Variants in LEMD2 observed in about 807,000 individuals in gnomAD.
The protein encoded by LEMD2 is LEM domain-containing protein 2.
In LEMD2, 34 loss-of-function variants were observed where a neutral mutation model predicts 58.8. The observed-to-expected ratio is 0.58, with a 90% CI of 0.44 to 0.77. LEMD2 has a LOEUF of 0.77. Ranked by LOEUF, LEMD2 falls within the 30% of genes least tolerant of loss-of-function variation. The pLI is 0.00. For missense variants in LEMD2, 629 were observed against 717.9 expected, an observed-to-expected ratio of 0.88 and a Z score of 1.42; for synonymous variants, 298 against 308.9, an observed-to-expected ratio of 0.96 and a Z score of 0.37.
chr6:33,777,347 T>G (rs1465371440), intron 6 of LEMD2, 108 bp from the exon 7 acceptor site: 1 of 811,998 alleles, frequency 1.2e-6, no homozygotes, highest in Non-Finnish European at 2.2e-6. Context: ...CACATGGGTT[T>G]GGGTACCTAC....
rs1767443414 is a variant in LEMD2 at position 33,776,951 on chromosome 6, C to T, written c.1361+3G>A. ...ACACCCAGCGCCCCAGCCAGGGACT[C>T]ACCGGCTCTGTGGAGGGATCAAGCT... On this transcript the variant is annotated splice_donor_region_variant and intron_variant, in intron 8 of 8. Coordinates refer to ENST00000293760, the MANE Select transcript of LEMD2 (RefSeq NM_181336.4). 2 of 1,612,336 alleles carry T rather than the reference C, an allele frequency of 1.2e-6. No individual in the cohort carries two copies. The highest frequency in any genetic ancestry group is 2.2e-5 in the South Asian group (2 of 91,026).
chr6:33,779,921 A>G (rs1383578394), intron 5 of LEMD2, 179 bp downstream of exon 5: 1 of 595,448 alleles, frequency 1.7e-6, no homozygotes, highest in African/African-American at 1.9e-5. Flanking sequence ...CTTACACTGC[A>G]TTCCAAATGC....
intron 8 of LEMD2, among the ~76,000 whole-genome samples, chr6:33,774,240 C>G (rs1427603255): frequency 1.4e-5 from 2 of 145,546 alleles, no homozygotes; most frequent in Non-Finnish European, 1.5e-5. Context: ...GGTGTGATCT[C>G]AGCTCACTGC....
chr6:33,780,522 G>A (rs1767541704), intron 4 of LEMD2, among the ~76,000 whole-genome samples: 1 of 152,202 alleles, frequency 6.6e-6, no homozygotes, highest in African/African-American at 2.4e-5. Flanking sequence ...GGGGGTGGGT[G>A]AGCCCAGTGG....
chr6:33,780,338 G>A lies in LEMD2; in HGVS notation c.931-159C>T, dbSNP rs536552298. 11 of 682,174 alleles carry A rather than the reference G, an allele frequency of 1.6e-5. No homozygotes were observed. In the East Asian group the frequency reaches 2.5e-4, roughly 15 times the overall value. The allele number at this position is 682,174 out of a possible 1,614,324, so 42.3% of individuals were successfully genotyped here. The stretch of plus-strand genomic sequence containing the variant: ...CAAAGTGGCAGGAAGGAAATCGGGG[G>A]TTGATGAAAGCCAAGGAAGAGGCTA... On this transcript the variant is annotated intron_variant, in intron 4 of 8. Transcript: ENST00000293760.
intron 6 of LEMD2, among the ~76,000 whole-genome samples, chr6:33,777,830 G>T (rs1420925677): frequency 6.6e-6 from 1 of 152,152 alleles, no homozygotes; most frequent in Admixed American, 6.5e-5. Flanking sequence ...CTTTCATCAG[G>T]TATCTGTAGC....
chr6:33,788,596 G>T lies in LEMD2; in HGVS notation c.521C>A (p.Ser174Tyr), dbSNP rs1222169038. The change falls in exon 1 of 9, where the codon TCC becomes TAC. Residue 174 changes from serine to tyrosine, a missense_variant. Physicochemically the swap from Ser to Tyr is moderately radical, Grantham distance 144. Around this residue, in one of 2 missense-constraint regions of LEMD2, gnomAD observed 386 missense variants for 381.1 expected, o/e 1.01. Coordinates refer to ENST00000293760, the MANE Select transcript of LEMD2 (RefSeq NM_181336.4). ...AASPAPARLP[S>Y]SLLGPDPRPG... ...GCGCGGGTCGGGACCGAGGAGGGAG[G>T]AAGGCAGCCGCGCCGGGGCGGGAGA... The T allele has an allele frequency of 1.6e-6, 2 of 1,284,516 alleles. No individual in the cohort carries two copies. Among genetic ancestry groups the T allele is most frequent in the Non-Finnish European group, 2.0e-6 (2 of 1,019,434 alleles). The allele number at this position is 1,284,516 out of a possible 1,614,324, so 79.6% of individuals were successfully genotyped here. A position where few individuals can be genotyped will look rare whatever the true frequency, so the allele number is the denominator to read the frequency against.
chr6:33,780,234 C>T (rs1187005866), intron 4 of LEMD2, 55 bp from the exon 5 acceptor site: 4 of 1,408,448 alleles, frequency 2.8e-6, no homozygotes, highest in East Asian at 2.5e-5. Context: ...GCAGCTGGAA[C>T]ATTATTCTGC....
intron 1 of LEMD2, 64 bp downstream of exon 1, chr6:33,788,316 AC>A: frequency 6.8e-7 from 1 of 1,466,170 alleles, no homozygotes; most frequent in Non-Finnish European, 9.1e-7. Flanking sequence ...GCCGACAGGA[AC>A]GGGGGGTCCT....
rs1767476869 is a variant in LEMD2, at chr6:33,778,039, A to G, written c.1156+203T>C. 6.6e-6 allele frequency among the ~76,000 whole-genome samples: 1 copy of G among 152,200 alleles called. No individual in the cohort carries two copies. The highest frequency in any genetic ancestry group is 2.1e-4 in the South Asian group (1 of 4,830). ...TCAAGGACATTTTCTAGTTATCCTC[A>G]CGGATTCCTGCCACCAATCTCCAAA... is the stretch of plus-strand genomic sequence containing the variant. On this transcript the variant is annotated intron_variant, in intron 6 of 8. Coordinates refer to ENST00000293760, the MANE Select transcript of LEMD2 (RefSeq NM_181336.4). This position sits in a 1 kb window ranked among gnomAD's most constrained non-coding sequence, Gnocchi z 4.7.
chr6:33,780,287 A>C, intron 4 of LEMD2, 108 bp from the exon 5 acceptor site: 2 of 954,984 alleles, frequency 2.1e-6, no homozygotes, highest in African/African-American at 1.6e-5. Flanking sequence ...CCACAGCCCC[A>C]AAACCCTGTT....
At chr6:33,773,661 A>T (rs1198299989) in intron 8 of LEMD2, among the ~76,000 whole-genome samples, 1 of 151,590 alleles carries the variant, frequency 6.6e-6, no homozygotes, top group Non-Finnish European at 1.5e-5. Flanking sequence ...GGGCCTATTC[A>T]GCAGCCCCAA....
chr6:33,782,582 A>C (rs1242128805), intron 3 of LEMD2, among the ~76,000 whole-genome samples: 1 of 152,046 alleles, frequency 6.6e-6, no homozygotes, highest in African/African-American at 2.4e-5. Flanking sequence ...CACAGATGCT[A>C]CCTCCTGTGA....
chr6:33,777,012 G>A lies in LEMD2; in HGVS notation c.1303C>T (p.Arg435Cys), dbSNP rs755595754. The A allele has an allele frequency of 2.5e-6, 4 of 1,614,028 alleles. No individual in the cohort carries two copies. The highest frequency in any genetic ancestry group is 1.3e-5 in the African/African-American group (1 of 74,916). ...HYVDWEQDME[R>C]YPYVGILHVR... Reference sequence around the variant, plus strand: ...TGCAGGATGCCTACATATGGATAGCGCTCCATGTCCTGCTCCCAGTCCACG... The same window carrying A: ...TGCAGGATGCCTACATATGGATAGCACTCCATGTCCTGCTCCCAGTCCACG... Residue 435 changes from arginine (R) to cysteine (C), a missense_variant, in exon 8 of 9, where the codon CGC becomes TGC. Around this residue, in one of 2 missense-constraint regions of LEMD2, gnomAD observed 243 missense variants for 336.8 expected, o/e 0.72. Transcript: ENST00000293760.
chr6:33,774,092 AAT>A (rs1157987884), intron 8 of LEMD2, among the ~76,000 whole-genome samples: 1 of 152,070 alleles, frequency 6.6e-6, no homozygotes, highest in African/African-American at 2.4e-5. Context: ...TATTTAAGCA[AAT>A]ATGTGTGTGG....
chr6:33,788,237 A>AAGAAGGCAGGCCTGGAAATG, intron 1 of LEMD2, 144 bp downstream of exon 1: 1 of 864,204 alleles, frequency 1.2e-6, no homozygotes, highest in Non-Finnish European at 1.7e-6. Context: ...CCACAGCTGG[A>AAGAAGGCAGGCCTGGAAATG]AGAAGGCAGG....
At chr6:33,780,957 A>T in intron 4 of LEMD2, 120 bp downstream of exon 4, 1 of 664,604 alleles carries the variant, frequency 1.5e-6, no homozygotes, top group Non-Finnish European at 2.6e-6. Context: ...CCTTAACTTA[A>T]GGTAGCCTAG....
chr6:33,785,966 T>G (rs1180229995), intron 2 of LEMD2, among the ~76,000 whole-genome samples: 2 of 152,226 alleles, frequency 1.3e-5, no homozygotes, highest in African/African-American at 4.8e-5. Context: ...CAGAGGACCA[T>G]GCGTCATTTT....
In LEMD2 at chr6:33,778,101, TCTC is replaced by T. The variant is rs1767478093; in HGVS notation, c.1156+138_1156+140del. The T allele has an allele frequency of 4.2e-6, 3 of 717,404 alleles. No individual in the cohort carries two copies. Among genetic ancestry groups the T allele is most frequent in the Non-Finnish European group, 4.1e-6 (2 of 484,060 alleles). The allele number at this position is 717,404 out of a possible 1,614,324, so 44.4% of individuals were successfully genotyped here. The stretch of plus-strand genomic sequence containing the variant: ...CCCAGGGCAGAGGCTGACTTGTTCA[TCTC>T]CTCTGTTTTATGAGACAGACCTCAG... On this transcript the variant is annotated intron_variant, in intron 6 of 8. Transcript: ENST00000293760. This position sits in a 1 kb window ranked among gnomAD's most constrained non-coding sequence, Gnocchi z 4.7.
Sources: allele counts gnomAD v4.1 joint callset (sites outside exome capture counted in the v4.1 genomes callset), GRCh38; gene constraint gnomAD v4.1.1; regional missense constraint gnomAD v4.1.1; non-coding constraint Gnocchi (gnomAD v3.1); transcripts MANE v1.5; gene names NCBI Gene and HGNC (gene_info 2026-07-23, HGNC 2026-07-21).